The following ADAM22 variants were observed in gnomAD, a reference collection of about 807,000 sequenced individuals.
The protein encoded by ADAM22 is ADAM metallopeptidase domain 22.
Under a neutral mutation model 144.6 loss-of-function variants are expected in ADAM22, and 65 were observed. The ratio of observed to expected loss-of-function variants is 0.45; its 90% confidence interval spans 0.37 to 0.55. The LOEUF (loss-of-function observed/expected upper bound fraction) is 0.55. Among genes scored for constraint, ADAM22 ranks in the 20% least tolerant of loss-of-function variants. The pLI is 0.00. For synonymous variants in ADAM22, 391 were observed against 412.6 expected, an observed-to-expected ratio of 0.95 and a Z score of 0.63; for missense variants, 974 against 1,184.9, an observed-to-expected ratio of 0.82 and a Z score of 2.61.
At chr7:88,180,714 T>G (rs1586560759) in intron 27 of ADAM22, among the ~76,000 whole-genome samples, 1 of 152,088 alleles carries the variant, frequency 6.6e-6, no homozygotes. Context: ...AAAATCTCAG[T>G]GGGTTATGAT....
intron 3 of ADAM22, among the ~76,000 whole-genome samples, chr7:88,052,183 C>A (rs993886074): frequency 6.6e-6 from 1 of 151,934 alleles, no homozygotes; most frequent in African/African-American, 2.4e-5. Flanking sequence ...AAAACAAAGA[C>A]CTCGGGCTTT....
chr7:88,048,179 G>T (rs1042490270), intron 3 of ADAM22, among the ~76,000 whole-genome samples: 2 of 151,980 alleles, frequency 1.3e-5, no homozygotes, highest in African/African-American at 4.8e-5. Context: ...AAATTTTTAC[G>T]TTTCATAAGT....
chr7:88,186,704 A>ATTT lies in ADAM22; in HGVS notation c.2750+5_2750+7dup. The ATTT allele has an allele frequency of 6.4e-7, 1 of 1,556,706 alleles. No individual in the cohort carries two copies. The highest frequency in any genetic ancestry group is 8.9e-7 in the Non-Finnish European group (1 of 1,129,388). Reference sequence around the variant, plus strand: ...AACACTGAAGGACCATACTTTAGGTATTTTATAAATTAATTTTTATATCCT... The same window carrying ATTT: ...AACACTGAAGGACCATACTTTAGGTATTTTTTTATAAATTAATTTTTATATCCT... On this transcript the variant is annotated splice_donor_region_variant and intron_variant, in intron 30 of 31. Transcript: ENST00000413139.
chr7:88,107,929 A>G (rs777448724), intron 4 of ADAM22, among the ~76,000 whole-genome samples: 1 of 152,118 alleles, frequency 6.6e-6, no homozygotes, highest in Non-Finnish European at 1.5e-5. Flanking sequence ...TTGTTCCTCT[A>G]ATATCACCTA....
chr7:88,045,888 TTGTGTGTGTGTGTGTGTGTGTGTGTG>T (rs59898382), intron 3 of ADAM22, among the ~76,000 whole-genome samples: 1 of 133,924 alleles, frequency 7.5e-6, no homozygotes, highest in Admixed American at 7.7e-5. Flanking sequence ...TCGTATTCTA[TTGTGTGTGTGTGTGTGTGTGTGTGTG>T]TGTGTGTGTG....
intron 3 of ADAM22, among the ~76,000 whole-genome samples, chr7:88,046,900 C>A (rs1048974190): frequency 9.3e-5 from 14 of 151,318 alleles, no homozygotes; most frequent in African/African-American, 3.4e-4. Context: ...TCATGGGCAA[C>A]TTAGTTTTAC....
intron 20 of ADAM22, 121 bp downstream of exon 20, chr7:88,151,441 A>C: frequency 8.8e-7 from 1 of 1,135,302 alleles, no homozygotes; most frequent in East Asian, 2.5e-5. Flanking sequence ...CAAAGCTACC[A>C]CAGGTCTTAG....
At chr7:88,079,671 A>G (rs955818996) in intron 4 of ADAM22, among the ~76,000 whole-genome samples, 1 of 152,232 alleles carries the variant, frequency 6.6e-6, no homozygotes, top group Non-Finnish European at 1.5e-5. Context: ...GCAAATGGAA[A>G]ACAAAAAATG....
In ADAM22 at chr7:88,199,730, T is replaced by C. The variant is rs1373843029; in HGVS notation, c.*3239T>C. On this transcript the variant is annotated 3_prime_UTR_variant, in exon 32 of 32. Coordinates refer to ENST00000413139, the MANE Select transcript of ADAM22 (RefSeq NM_001324418.2). Reference sequence around the variant, plus strand: ...GAGTTGTTCCTTTAAAAAATGTTGATGAATAAAGCAAATGTGGGTTTAAAA... The same window carrying C: ...GAGTTGTTCCTTTAAAAAATGTTGACGAATAAAGCAAATGTGGGTTTAAAA... 1 of 152,252 alleles carries C rather than the reference T, an allele frequency of 6.6e-6. No homozygotes were observed. The highest frequency in any genetic ancestry group is 1.5e-5 in the Non-Finnish European group (1 of 68,046). The allele number at this position is 152,252 out of a possible 1,614,324, so 9.4% of individuals were successfully genotyped here. A position where few individuals can be genotyped will look rare whatever the true frequency, so the allele number is the denominator to read the frequency against.
chr7:88,111,234 A>G (rs1344893289), intron 5 of ADAM22, among the ~76,000 whole-genome samples: 1 of 152,030 alleles, frequency 6.6e-6, no homozygotes, highest in African/African-American at 2.4e-5. Flanking sequence ...TCTTGACTTT[A>G]CTTTCTGGAA....
In ADAM22 at chr7:88,097,313, G is replaced by A. The variant is rs187932890; in HGVS notation, c.391-10863G>A. ...ATTACAGGTGTGCGCCATTATGCCCGGCTAATTTTTGTATTTTTAGTAGAG... is the reference window on the plus strand; with the variant it reads ...ATTACAGGTGTGCGCCATTATGCCCAGCTAATTTTTGTATTTTTAGTAGAG... On this transcript the variant is annotated intron_variant, in intron 4 of 31. Coordinates refer to ENST00000413139, the MANE Select transcript of ADAM22 (RefSeq NM_001324418.2). Among the ~76,000 whole-genome samples the A allele has an allele frequency of 2.6e-3, 396 of 151,396 alleles. 1 individual carries two copies. The highest frequency in any genetic ancestry group is 9.4e-3 in the African/African-American group (390 of 41,274).
intron 4 of ADAM22, among the ~76,000 whole-genome samples, chr7:88,077,596 A>C (rs534925264): frequency 2.6e-5 from 4 of 152,202 alleles, no homozygotes; most frequent in African/African-American, 9.7e-5. Context: ...TTTCCTAGTC[A>C]AAGAAAGGGG....
At chr7:88,184,280 G>A (rs924674854) in intron 29 of ADAM22, 4 of 394,256 alleles carry the variant, frequency 1.0e-5, no homozygotes, top group African/African-American at 6.4e-5. Flanking sequence ...ATTATATATT[G>A]TGTTTTTACA....
At chr7:88,014,153 A>T (rs1288754323) in intron 3 of ADAM22, among the ~76,000 whole-genome samples, 2 of 152,156 alleles carry the variant, frequency 1.3e-5, no homozygotes. Flanking sequence ...ATATGTACCC[A>T]TGATGGAAAA....
chr7:88,017,773 ATG>A lies in ADAM22; in HGVS notation c.323+39371_323+39372del, dbSNP rs200920533. On this transcript the variant is annotated intron_variant, in intron 3 of 31. Transcript: ENST00000413139. The stretch of plus-strand genomic sequence containing the variant: ...GTTTCTTTGTAAAAAATGCAAGCAT[ATG>A]TGTGTGTGTATATATATATATGTGT... Among the ~76,000 whole-genome samples, 3 of 151,742 alleles carry A rather than the reference ATG, an allele frequency of 2.0e-5. No homozygotes were observed. In the East Asian group the frequency reaches 5.8e-4, roughly 29 times the overall value.
chr7:88,112,683 C>A (rs964572697), intron 5 of ADAM22, among the ~76,000 whole-genome samples: 1 of 152,080 alleles, frequency 6.6e-6, no homozygotes, highest in African/African-American at 2.4e-5. Context: ...GGTAGCCACC[C>A]CCAGCCTACG....
intron 3 of ADAM22, among the ~76,000 whole-genome samples, chr7:87,990,588 A>G (rs918356240): frequency 6.6e-6 from 1 of 152,178 alleles, no homozygotes; most frequent in Non-Finnish European, 1.5e-5. Context: ...TGTGATAATC[A>G]GTTCAGTGAT....
intron 22 of ADAM22, 140 bp downstream of exon 22, chr7:88,156,146 C>A (rs1839893206): frequency 2.3e-6 from 2 of 855,004 alleles, no homozygotes; most frequent in Non-Finnish European, 1.7e-6. Context: ...TGAGTAAATC[C>A]TAACAGAGAA....
chr7:88,104,002 C>T (rs913043043), intron 4 of ADAM22, among the ~76,000 whole-genome samples: 3 of 152,122 alleles, frequency 2.0e-5, no homozygotes, highest in Non-Finnish European at 4.4e-5. Context: ...TCTTTGACCT[C>T]CCAGGTCCAT....
Sources: allele counts gnomAD v4.1 joint callset (sites outside exome capture counted in the v4.1 genomes callset), GRCh38; gene constraint gnomAD v4.1.1; transcripts MANE v1.5; gene names NCBI Gene and HGNC (gene_info 2026-07-23, HGNC 2026-07-21).